ST6GALNAC3: variants seen among roughly 807,000 people sequenced by gnomAD.
ST6GALNAC3 encodes ST6 N-acetylgalactosaminide alpha-2,6-sialyltransferase 3, also known as alpha-N-acetylgalactosaminide alpha-2,6-sialyltransferase 3.
ST6GALNAC3 carries 25 observed loss-of-function variants against 32.7 expected under a neutral mutation model. The observed-to-expected ratio is 0.76, with a 90% CI of 0.56 to 1.07. ST6GALNAC3 has a LOEUF of 1.07. Among genes scored for constraint, ST6GALNAC3 ranks in the 50% least tolerant of loss-of-function variants. The pLI, the probability that ST6GALNAC3 is intolerant of heterozygous loss-of-function variation, is 0.00. For synonymous variants in ST6GALNAC3, 129 were observed against 133.1 expected (o/e 0.97, Z 0.21); for missense variants, 355 against 382.4 (o/e 0.93, Z 0.60).
At chr1:76,323,847 A>G (rs901412050) in intron 2 of ST6GALNAC3, among the ~76,000 whole-genome samples, 3 of 152,046 alleles carry the variant, frequency 2.0e-5, no homozygotes, top group African/African-American at 7.2e-5. Flanking sequence ...ATGAGCACAT[A>G]TTGTATTTAT....
In ST6GALNAC3 at chr1:76,235,004, A is replaced by C. The variant is rs573264846; in HGVS notation, c.19-78801A>C. Reference sequence around the variant, plus strand: ...AAGGAGTGTGGGCTTCAGCTTCTCTACAGAGTCGCTGGTGGTTAAACTCAA... The same window carrying C: ...AAGGAGTGTGGGCTTCAGCTTCTCTCCAGAGTCGCTGGTGGTTAAACTCAA... On this transcript the variant is annotated intron_variant, in intron 1 of 4. Transcript: ENST00000328299. Among the ~76,000 whole-genome samples the C allele has an allele frequency of 2.1e-4, 32 of 152,278 alleles. 2 individuals are homozygous for C. Among genetic ancestry groups the C allele is most frequent in the African/African-American group, 5.8e-4 (24 of 41,564 alleles).
At chr1:76,368,744 T>C (rs143635338) in intron 2 of ST6GALNAC3, among the ~76,000 whole-genome samples, 8 of 152,340 alleles carry the variant, frequency 5.3e-5, no homozygotes, top group East Asian at 3.9e-4. Context: ...TATGGTCTTA[T>C]AGTTTATGAG....
chr1:76,235,855 T>C (rs1656624929), intron 1 of ST6GALNAC3, among the ~76,000 whole-genome samples: 1 of 151,088 alleles, frequency 6.6e-6, no homozygotes, highest in Non-Finnish European at 1.5e-5. Flanking sequence ...TCTGCCTTCA[T>C]CTTCACATGG....
At chr1:76,237,984 C>G (rs1656752268) in intron 1 of ST6GALNAC3, among the ~76,000 whole-genome samples, 2 of 152,296 alleles carry the variant, frequency 1.3e-5, no homozygotes, top group South Asian at 4.1e-4. Context: ...TTGGAGGATG[C>G]TTTTAACATT....
rs34912507 is a variant in ST6GALNAC3, at chr1:76,494,743, G to GCACACACACACACA, written c.623+82339_623+82352dup. Among the ~76,000 whole-genome samples the GCACACACACACACA allele has an allele frequency of 4.6e-4, 60 of 130,408 alleles. 1 individual carries two copies. The highest frequency in any genetic ancestry group is 1.6e-3 in the African/African-American group (51 of 32,164). The allele number at this position is 130,408 out of a possible 152,430, so 85.6% of individuals were successfully genotyped here. On this transcript the variant is annotated intron_variant, in intron 3 of 4. Transcript: ENST00000328299. ...GCATGAAAATATATTTCATGTGTAT[G>GCACACACACACACA]CACACACACACACACACACACACAC...
intron 3 of ST6GALNAC3, among the ~76,000 whole-genome samples, chr1:76,481,416 C>T (rs1289467452): frequency 6.6e-6 from 1 of 152,134 alleles, no homozygotes; most frequent in Non-Finnish European, 1.5e-5. Context: ...TTGGGTCTCC[C>T]CAACCCTAAC....
At chr1:76,195,668 A>G (rs1654162189) in intron 1 of ST6GALNAC3, among the ~76,000 whole-genome samples, 1 of 152,232 alleles carries the variant, frequency 6.6e-6, no homozygotes, top group Non-Finnish European at 1.5e-5. Context: ...GGTTAAAAAA[A>G]TAAAAGGCAA....
Position 76,074,811 on chromosome 1 carries a change from C to G in ST6GALNAC3, c.-56C>G. 1 of 1,555,512 alleles carries G rather than the reference C, an allele frequency of 6.4e-7. No individual in the cohort carries two copies. Among genetic ancestry groups the G allele is most frequent in the South Asian group, 1.2e-5 (1 of 84,422 alleles). ...ACCAGCCTCCAGCCTGCCCCCAGGA[C>G]TGCCCCTGACCCAGGCGCGCCCGCT... On this transcript the variant is annotated 5_prime_UTR_variant, in exon 1 of 5. Coordinates refer to ENST00000328299, the MANE Select transcript of ST6GALNAC3 (RefSeq NM_152996.4).
At chr1:76,344,418 C>T (rs932913139) in intron 2 of ST6GALNAC3, among the ~76,000 whole-genome samples, 1 of 152,096 alleles carries the variant, frequency 6.6e-6, no homozygotes, top group Non-Finnish European at 1.5e-5. Context: ...TTTTTCCCTG[C>T]ATTATTTTTT....
intron 1 of ST6GALNAC3, among the ~76,000 whole-genome samples, chr1:76,137,884 C>A (rs1215562196): frequency 1.3e-5 from 2 of 152,210 alleles, no homozygotes; most frequent in African/African-American, 4.8e-5. Flanking sequence ...CTGAGGAAGC[C>A]ATCTCTGACC....
At chr1:76,430,609 TCCCTCC>T (rs1655685620) in intron 3 of ST6GALNAC3, among the ~76,000 whole-genome samples, 1 of 152,136 alleles carries the variant, frequency 6.6e-6, no homozygotes, top group African/African-American at 2.4e-5. Flanking sequence ...GCCCCATTTA[TCCCTCC>T]CTCCTACGAA....
intron 1 of ST6GALNAC3, among the ~76,000 whole-genome samples, chr1:76,121,454 C>T (rs1018274184): frequency 2.8e-4 from 43 of 152,234 alleles, no homozygotes; most frequent in Non-Finnish European, 3.5e-4. Flanking sequence ...TGGTGGCTCA[C>T]GCCTGTAATC....
At chr1:76,216,810 A>T (rs551500938) in intron 1 of ST6GALNAC3, among the ~76,000 whole-genome samples, 3 of 152,320 alleles carry the variant, frequency 2.0e-5, no homozygotes, top group African/African-American at 7.2e-5. Flanking sequence ...GCTAGGTTTA[A>T]TTTCTTTGAT....
At chr1:76,457,668 A>G (rs1355042987) in intron 3 of ST6GALNAC3, among the ~76,000 whole-genome samples, 3 of 152,122 alleles carry the variant, frequency 2.0e-5, no homozygotes, top group African/African-American at 4.8e-5. Flanking sequence ...TGCTTGGAAA[A>G]CTGGCTAGCC....
intron 2 of ST6GALNAC3, among the ~76,000 whole-genome samples, chr1:76,368,669 A>ACAAATGAAATTACTTACAT (rs1650577749): frequency 6.6e-6 from 1 of 152,210 alleles, no homozygotes; most frequent in Non-Finnish European, 1.5e-5. Flanking sequence ...TTAATGCTTA[A>ACAAATGAAATTACTTACAT]CAAATGAAAT....
intron 3 of ST6GALNAC3, among the ~76,000 whole-genome samples, chr1:76,428,292 A>G (rs907356536): frequency 1.3e-5 from 2 of 152,058 alleles, no homozygotes; most frequent in Non-Finnish European, 2.9e-5. Context: ...GAATGGTGAA[A>G]ACTCTTTAAG....
At chr1:76,190,314 A>G (rs903687211) in intron 1 of ST6GALNAC3, among the ~76,000 whole-genome samples, 2 of 152,180 alleles carry the variant, frequency 1.3e-5, no homozygotes, top group African/African-American at 4.8e-5. Context: ...AACTGTTAGA[A>G]AAGTGCATGG....
intron 1 of ST6GALNAC3, among the ~76,000 whole-genome samples, chr1:76,283,176 G>T (rs568025100): frequency 3.9e-5 from 6 of 152,186 alleles, no homozygotes; most frequent in African/African-American, 1.4e-4. Context: ...ACTGAGCTAG[G>T]AACTAGCTTT....
intron 3 of ST6GALNAC3, among the ~76,000 whole-genome samples, chr1:76,450,684 C>T (rs116605005): frequency 0.028 from 4,291 of 152,240 alleles, 75 homozygotes; most frequent in Non-Finnish European, 0.045. Flanking sequence ...TTTATGGTTT[C>T]AGGTCTTAGA....
Sources: allele counts gnomAD v4.1 joint callset (sites outside exome capture counted in the v4.1 genomes callset), GRCh38; gene constraint gnomAD v4.1.1; transcripts MANE v1.5; gene names NCBI Gene and HGNC (gene_info 2026-07-23, HGNC 2026-07-21).